Variants in EXOC2 observed in about 807,000 individuals in gnomAD.
The protein encoded by EXOC2 is SEC5-like 1.
Under a neutral mutation model 131.8 loss-of-function variants are expected in EXOC2, and 70 were observed. That is an observed-to-expected ratio of 0.53 (90% CI 0.44 to 0.65). The LOEUF (loss-of-function observed/expected upper bound fraction) is 0.65. Ranked by LOEUF, EXOC2 falls within the 30% of genes least tolerant of loss-of-function variation. The pLI is 0.00. For synonymous variants in EXOC2, 411 were observed against 398.4 expected, an observed-to-expected ratio of 1.03 and a Z score of -0.38; for missense variants, 923 against 1,108.6, an observed-to-expected ratio of 0.83 and a Z score of 2.38.
chr6:688,686 C>G (rs1013920546), intron 1 of EXOC2, among the ~76,000 whole-genome samples: 1 of 152,176 alleles, frequency 6.6e-6, no homozygotes, highest in Non-Finnish European at 1.5e-5. Flanking sequence ...CTACTTTCTC[C>G]TTCTGTCCTT....
chr6:655,170 T>C (rs1763014782), intron 1 of EXOC2, among the ~76,000 whole-genome samples: 1 of 152,150 alleles, frequency 6.6e-6, no homozygotes, highest in South Asian at 2.1e-4. Context: ...TTTTAAGAAA[T>C]TGCCACAGCT....
intron 1 of EXOC2, among the ~76,000 whole-genome samples, chr6:686,244 G>T (rs982118748): frequency 6.6e-6 from 1 of 151,246 alleles, no homozygotes; most frequent in Non-Finnish European, 1.5e-5. Flanking sequence ...TTACAGGTGT[G>T]AGCCGCCGCG....
intron 1 of EXOC2, among the ~76,000 whole-genome samples, chr6:683,805 A>G (rs1764519404): frequency 6.6e-6 from 1 of 152,234 alleles, no homozygotes; most frequent in Non-Finnish European, 1.5e-5. Context: ...AAATCTTGAC[A>G]TAGTGAAAGC....
At chr6:625,825 T>C (rs1255206048) in intron 4 of EXOC2, among the ~76,000 whole-genome samples, 1 of 152,130 alleles carries the variant, frequency 6.6e-6, no homozygotes, top group Admixed American at 6.5e-5. Flanking sequence ...AACAACTGAC[T>C]CTTCTAGACA....
chr6:541,015 T>TC (rs1766783232), intron 22 of EXOC2, among the ~76,000 whole-genome samples: 1 of 152,226 alleles, frequency 6.6e-6, no homozygotes, highest in Admixed American at 6.5e-5. Flanking sequence ...ATCTGTGGAA[T>TC]GTGGTATCCA....
At chr6:648,213 T>C (rs1348592792) in intron 1 of EXOC2, among the ~76,000 whole-genome samples, 1 of 152,252 alleles carries the variant, frequency 6.6e-6, no homozygotes, top group Admixed American at 6.5e-5. Flanking sequence ...ATGTCTCTTC[T>C]CAACCTGCCT....
intron 23 of EXOC2, among the ~76,000 whole-genome samples, chr6:505,630 A>G (rs942033009): frequency 6.6e-6 from 1 of 152,132 alleles, no homozygotes; most frequent in Non-Finnish European, 1.5e-5. Flanking sequence ...GCCTGGATCC[A>G]CCGTTGTCCT....
Position 633,066 on chromosome 6 carries a change from G to A in EXOC2, c.170C>T (p.Ala57Val). The change falls in exon 3 of 28, where the codon GCA becomes GTA. Residue 57 changes from alanine to valine, a missense_variant. Transcript: ENST00000230449. Reference sequence around the variant, plus strand: ...TCCCACTCGACATACTATTTTACTTGCAGACATCCATTCTGCCGTCAGGAG... The same window carrying A: ...TCCCACTCGACATACTATTTTACTTACAGACATCCATTCTGCCGTCAGGAG... The part of the protein sequence containing the change: ...NCLLTAEWMS[A>V]SKIVCRVGQA... The A allele has an allele frequency of 1.9e-6, 3 of 1,613,944 alleles. No homozygotes were observed. Among genetic ancestry groups the A allele is most frequent in the Non-Finnish European group, 2.5e-6 (3 of 1,180,008 alleles).
chr6:562,800 T>C lies in EXOC2; in HGVS notation c.1835A>G (p.Glu612Gly). ...TAAACTTACTAGAGAAGTCAGTCCT[T>C]CATTGTCAACAATCCAGTCTTCTTT... ...AEKEDWIVDN[E>G]GLTSLPCQFE... Residue 612 changes from glutamate (E) to glycine (G), a missense_variant, in exon 17 of 28, where the codon GAA becomes GGA. Physicochemically the swap from Glu to Gly is moderately conservative, Grantham distance 98. Transcript: ENST00000230449. 1 of 1,599,476 alleles carries C rather than the reference T, an allele frequency of 6.3e-7. No individual in the cohort carries two copies. The highest frequency in any genetic ancestry group is 8.5e-7 in the Non-Finnish European group (1 of 1,174,476).
chr6:526,432 ATTTTTTT>A (rs70985804), intron 23 of EXOC2, among the ~76,000 whole-genome samples: 21 of 76,018 alleles, frequency 2.8e-4, no homozygotes, highest in African/African-American at 8.8e-4. Flanking sequence ...TTCTTTGTGG[ATTTTTTT>A]TTTTTTTTTT....
intron 26 of EXOC2, among the ~76,000 whole-genome samples, chr6:490,649 G>A (rs1472320527): frequency 2.6e-5 from 4 of 152,256 alleles, no homozygotes; most frequent in South Asian, 4.1e-4. Context: ...TGTTGCCCAC[G>A]TAGTAAACAA....
chr6:597,655 T>C (rs143791446), intron 10 of EXOC2, among the ~76,000 whole-genome samples: 2 of 152,326 alleles, frequency 1.3e-5, no homozygotes, highest in East Asian at 3.9e-4. Flanking sequence ...ACCCAGTGTG[T>C]GACAGTATTC....
chr6:643,842 G>T (rs1762465430), intron 1 of EXOC2, among the ~76,000 whole-genome samples: 1 of 152,160 alleles, frequency 6.6e-6, no homozygotes, highest in Admixed American at 6.5e-5. Context: ...TTTCAGTAAT[G>T]AAAGAGGGAA....
chr6:558,838 T>A (rs1463968981), intron 17 of EXOC2, among the ~76,000 whole-genome samples: 3 of 151,414 alleles, frequency 2.0e-5, no homozygotes, highest in South Asian at 2.1e-4. Context: ...AAAAAAAAAA[T>A]AAGTAAATGT....
At chr6:514,118 C>T (rs961411401) in intron 23 of EXOC2, among the ~76,000 whole-genome samples, 1 of 152,194 alleles carries the variant, frequency 6.6e-6, no homozygotes, top group Non-Finnish European at 1.5e-5. Context: ...GTTTCCTTGG[C>T]TGTAAAAGAA....
intron 1 of EXOC2, among the ~76,000 whole-genome samples, chr6:678,705 G>C (rs1410014691): frequency 1.3e-5 from 2 of 152,164 alleles, no homozygotes; most frequent in Non-Finnish European, 2.9e-5. Context: ...GGGGCTCCAG[G>C]GCAACAGGGG....
chr6:510,086 C>T lies in EXOC2; in HGVS notation c.2381-10386G>A, dbSNP rs538981854. Among the ~76,000 whole-genome samples the T allele has an allele frequency of 5.9e-5, 9 of 151,682 alleles. No homozygotes were observed. In the South Asian group the frequency reaches 1.5e-3, roughly 25 times the overall value. The stretch of plus-strand genomic sequence containing the variant: ...CAATTACACTCTGAACACACATTAT[C>T]GAAATTACTGCCTAATTAAAAAAAA... On this transcript the variant is annotated intron_variant, in intron 23 of 27. Transcript: ENST00000230449.
intron 2 of EXOC2, among the ~76,000 whole-genome samples, chr6:635,936 G>T (rs115663764): frequency 1.3e-5 from 2 of 152,164 alleles, no homozygotes; most frequent in Non-Finnish European, 2.9e-5. Context: ...CGGCACATGC[G>T]CCTGTAGTCC....
At chr6:509,474 C>T (rs1336336764) in intron 23 of EXOC2, among the ~76,000 whole-genome samples, 1 of 152,162 alleles carries the variant, frequency 6.6e-6, no homozygotes, top group East Asian at 1.9e-4. Context: ...CTGTAATTAA[C>T]AGTATCCCTA....
Sources: allele counts gnomAD v4.1 joint callset (sites outside exome capture counted in the v4.1 genomes callset), GRCh38; gene constraint gnomAD v4.1.1; transcripts MANE v1.5; gene names NCBI Gene and HGNC (gene_info 2026-07-23, HGNC 2026-07-21).